The following PRUNE2 variants were observed in gnomAD, a reference collection of about 807,000 sequenced individuals.
PRUNE2 encodes protein prune homolog 2.
A neutral mutation model predicts 252.0 loss-of-function variants in PRUNE2; 164 were observed. The ratio of observed to expected loss-of-function variants is 0.65; its 90% confidence interval spans 0.57 to 0.74. The LOEUF (loss-of-function observed/expected upper bound fraction) is 0.74. Ranked by LOEUF, PRUNE2 falls within the 30% of genes least tolerant of loss-of-function variation. The pLI, the probability that PRUNE2 is intolerant of heterozygous loss-of-function variation, is 0.00. For missense variants in PRUNE2, 3,495 were observed against 3,711.0 expected (o/e 0.94, Z 1.51); for synonymous variants, 1,292 against 1,350.2 (o/e 0.96, Z 0.94).
intron 6 of PRUNE2, among the ~76,000 whole-genome samples, chr9:76,765,902 G>A (rs935809763): frequency 6.6e-6 from 1 of 152,134 alleles, no homozygotes; most frequent in African/African-American, 2.4e-5. Flanking sequence ...CTCGTTAGAG[G>A]CCAGACGCGG....
At position 76,705,931 on chromosome 9, in the gene PRUNE2, G is replaced by C. The variant is rs2077181; in HGVS notation, c.6343C>G (p.Gln2115Glu). 0.16 allele frequency: 254,622 copies of C among 1,613,636 alleles called. 24,012 individuals carry two copies. Among genetic ancestry groups the C allele is most frequent in the East Asian group, 0.49 (22,176 of 44,858 alleles). Reference protein sequence around the residue: ...PDICHDSEAKQETEKHLSACM... With the variant: ...PDICHDSEAKEETEKHLSACM... ...GCACTGAGGTGCTTCTCAGTCTCTTGCTTTGCTTCAGAATCGTGACATATA... is the reference window on the plus strand; with the variant it reads ...GCACTGAGGTGCTTCTCAGTCTCTTCCTTTGCTTCAGAATCGTGACATATA... Residue 2115 changes from glutamine to glutamate, a missense_variant, in exon 8 of 19, where the codon CAA becomes GAA. By Grantham distance (29) the Gln-to-Glu change is conservative. Transcript: ENST00000376718.
chr9:76,810,043 T>C (rs891963220), intron 6 of PRUNE2, among the ~76,000 whole-genome samples: 2 of 152,170 alleles, frequency 1.3e-5, no homozygotes, highest in Admixed American at 1.3e-4. Context: ...TGGTTTGGGA[T>C]AAAAAGCAAG....
chr9:76,708,398 G>T lies in PRUNE2; in HGVS notation c.3876C>A (p.Thr1292=), dbSNP rs757478247. 11 of 1,613,728 alleles carry T rather than the reference G, an allele frequency of 6.8e-6. No homozygotes were observed. Among genetic ancestry groups the T allele is most frequent in the Non-Finnish European group, 7.6e-6 (9 of 1,179,852 alleles). ...CCAAGGATGCTGCATCACTTTGCAG[G>T]GTTTCCCTCTCTGTGTCCTGCTTGT... ...HLDKQDTERE[T]LQSDAASLAT... The change falls in exon 8 of 19, where the codon ACC becomes ACA. Residue 1292 remains threonine, a synonymous_variant. Coordinates refer to ENST00000376718, the MANE Select transcript of PRUNE2 (RefSeq NM_015225.3).
chr9:76,636,492 G>A lies in PRUNE2; in HGVS notation c.9029C>T (p.Ala3010Val). Residue 3010 changes from alanine (A) to valine (V), a missense_variant, in exon 15 of 19, where the codon GCT (alanine) becomes GTT (valine). By Grantham distance (64) the Ala-to-Val change is moderately conservative. Coordinates refer to ENST00000376718, the MANE Select transcript of PRUNE2 (RefSeq NM_015225.3). ...GTACCTTATAAAAGGTCGTGTCACA[G>A]CAAGGATTGTTCTGATGAACCAAGA... is the stretch of plus-strand genomic sequence containing the variant. ...HPSWFIRTIL[A>V]VTRPFISSKF... The A allele has an allele frequency of 6.5e-7, 1 of 1,543,392 alleles. No homozygotes were observed. Among genetic ancestry groups the A allele is most frequent in the Non-Finnish European group, 8.8e-7 (1 of 1,135,508 alleles).
At chr9:76,826,004 C>T (rs2058323971) in intron 5 of PRUNE2, among the ~76,000 whole-genome samples, 1 of 152,164 alleles carries the variant, frequency 6.6e-6, no homozygotes, top group Non-Finnish European at 1.5e-5. Flanking sequence ...ATAAGGATTG[C>T]ATGTAATAAT....
chr9:76,789,413 T>C (rs142658490), intron 6 of PRUNE2, among the ~76,000 whole-genome samples: 43 of 152,308 alleles, frequency 2.8e-4, no homozygotes, highest in African/African-American at 9.4e-4. Flanking sequence ...AGACTGTAAA[T>C]CTCTCATCCA....
chr9:76,825,639 G>C (rs189297580), intron 5 of PRUNE2, among the ~76,000 whole-genome samples: 245 of 152,332 alleles, frequency 1.6e-3, no homozygotes, highest in African/African-American at 5.7e-3. Context: ...ATGTGTGTTT[G>C]ATGTTGGGAA....
rs1384326825 is a variant in PRUNE2, at chr9:76,704,222, TATTTATTC to T, written c.7514-131_7514-124del. ...TTTAATATTTTTTATATATTTTATTTATTTATTCATTCATTCATTTGAGACAGAGTCCC... is the reference window on the plus strand; with the variant it reads ...TTTAATATTTTTTATATATTTTATTTATTCATTCATTTGAGACAGAGTCCC... On this transcript the variant is annotated intron_variant, in intron 8 of 18. Transcript: ENST00000376718. 1.3e-4 allele frequency: 61 copies of T among 475,388 alleles called. No individual in the cohort carries two copies. In the Admixed American group the frequency reaches 1.8e-3, roughly 14 times the overall value. The allele number at this position is 475,388 out of a possible 1,614,324, so 29.4% of individuals were successfully genotyped here. A position where few individuals can be genotyped will look rare whatever the true frequency, so the allele number is the denominator to read the frequency against.
intron 9 of PRUNE2, among the ~76,000 whole-genome samples, chr9:76,656,497 A>G (rs1450603717): frequency 6.6e-6 from 1 of 152,182 alleles, no homozygotes; most frequent in African/African-American, 2.4e-5. Context: ...TGGATCTACC[A>G]AACCTTTGGA....
intron 6 of PRUNE2, among the ~76,000 whole-genome samples, chr9:76,802,598 A>C (rs1200172653): frequency 6.6e-6 from 1 of 152,186 alleles, no homozygotes; most frequent in African/African-American, 2.4e-5. Flanking sequence ...AAATTCATGT[A>C]CCATCTTGGT....
At chr9:76,882,722 A>G (rs1007102300) in intron 1 of PRUNE2, among the ~76,000 whole-genome samples, 4 of 152,202 alleles carry the variant, frequency 2.6e-5, no homozygotes, top group Non-Finnish European at 5.9e-5. Context: ...TAAACCATTC[A>G]TGAGAAATCT....
In PRUNE2 at chr9:76,749,071, C is replaced by A. The variant is rs116143690; in HGVS notation, c.757-35350G>T. On this transcript the variant is annotated intron_variant, in intron 6 of 18. Coordinates refer to ENST00000376718, the MANE Select transcript of PRUNE2 (RefSeq NM_015225.3). Reference sequence around the variant, plus strand: ...AGAAGAAAATGAGCAACCTAATAGTCAGAAGGTAATAATGGCTTAAAACAA... The same window carrying A: ...AGAAGAAAATGAGCAACCTAATAGTAAGAAGGTAATAATGGCTTAAAACAA... 7.9e-3 allele frequency among the ~76,000 whole-genome samples: 1,198 copies of A among 152,288 alleles called. 17 individuals carry two copies. The highest frequency in any genetic ancestry group is 0.028 in the African/African-American group (1,161 of 41,538).
chr9:76,813,833 A>T (rs7046472), intron 6 of PRUNE2, among the ~76,000 whole-genome samples: 42,334 of 152,060 alleles, frequency 0.28, 6,047 homozygotes, highest in Middle Eastern at 0.39. Context: ...ATGTATTTAT[A>T]TGAGACAGAG....
intron 4 of PRUNE2, among the ~76,000 whole-genome samples, chr9:76,845,570 A>G (rs2059629020): frequency 6.6e-6 from 1 of 152,240 alleles, no homozygotes; most frequent in Non-Finnish European, 1.5e-5. Flanking sequence ...AACCTTTACA[A>G]GAATTATACA....
intron 10 of PRUNE2, among the ~76,000 whole-genome samples, chr9:76,654,673 G>T (rs572501275): frequency 2.6e-5 from 4 of 152,308 alleles, no homozygotes; most frequent in Admixed American, 2.6e-4. Flanking sequence ...AAAGTACATT[G>T]TGAACTTGGA....
chr9:76,704,185 T>A, intron 8 of PRUNE2, 86 bp from the exon 9 acceptor site: 5 of 707,050 alleles, frequency 7.1e-6, no homozygotes, highest in Non-Finnish European at 1.0e-5. Flanking sequence ...AATGATCATC[T>A]AAAAGAGGTA....
intron 6 of PRUNE2, among the ~76,000 whole-genome samples, chr9:76,802,800 T>C (rs553178469): frequency 5.4e-4 from 83 of 152,312 alleles, no homozygotes; most frequent in Middle Eastern, 3.4e-3. Context: ...TAAGAGTGTG[T>C]TCTTGCTCTT....
In PRUNE2 at chr9:76,707,537, C is replaced by T. The variant is rs1184727524; in HGVS notation, c.4737G>A (p.Gln1579=). 6.2e-7 allele frequency: 1 copy of T among 1,613,810 alleles called. No individual in the cohort carries two copies. Among genetic ancestry groups the T allele is most frequent in the Non-Finnish European group, 8.5e-7 (1 of 1,179,890 alleles). Residue 1579 remains glutamine (Q), a synonymous_variant, in exon 8 of 19, where the codon CAG becomes CAA. Transcript: ENST00000376718. The part of the protein sequence containing the change: ...QEENQGNWSE[Q]NHQESELITT... Reference sequence around the variant, plus strand: ...TAATTAGTTCAGATTCTTGGTGATTCTGTTCACTCCAGTTGCCTTGGTTTT... The same window carrying T: ...TAATTAGTTCAGATTCTTGGTGATTTTGTTCACTCCAGTTGCCTTGGTTTT...
At chr9:76,697,018 TTC>T (rs1260135903) in intron 9 of PRUNE2, among the ~76,000 whole-genome samples, 1 of 152,222 alleles carries the variant, frequency 6.6e-6, no homozygotes, top group Non-Finnish European at 1.5e-5. Context: ...CTCTCAAATT[TTC>T]CTAATTTGAA....
Sources: allele counts gnomAD v4.1 joint callset (sites outside exome capture counted in the v4.1 genomes callset), GRCh38; gene constraint gnomAD v4.1.1; transcripts MANE v1.5; gene names NCBI Gene and HGNC (gene_info 2026-07-23, HGNC 2026-07-21).